The following FHIP1A variants were observed in gnomAD, a reference collection of about 807,000 sequenced individuals.
FHIP1A encodes the protein FHF complex subunit HOOK-interacting protein 1A.
A neutral mutation model predicts 88.6 loss-of-function variants in FHIP1A; 61 were observed. That is an observed-to-expected ratio of 0.69 (90% CI 0.56 to 0.85). The LOEUF is 0.85. FHIP1A is among the 40% of genes least tolerant of loss of function. The pLI is 0.00. For missense variants in FHIP1A, 1,154 were observed against 1,273.5 expected (o/e 0.91, Z 1.43); for synonymous variants, 478 against 496.0 (o/e 0.96, Z 0.48).
At chr4:151,471,646 G>C (rs1729516481) in intron 2 of FHIP1A, among the ~76,000 whole-genome samples, 1 of 151,962 alleles carries the variant, frequency 6.6e-6, no homozygotes, top group Admixed American at 6.6e-5. Context: ...CGTTATTGGG[G>C]ATCAGGTGGT....
chr4:151,418,789 A>G (rs1271064545), intron 1 of FHIP1A, among the ~76,000 whole-genome samples: 3 of 152,208 alleles, frequency 2.0e-5, no homozygotes, highest in African/African-American at 7.2e-5. Flanking sequence ...GTAACTCTGC[A>G]TCTTAATTGC....
chr4:151,565,118 G>A (rs1461780369), intron 3 of FHIP1A, among the ~76,000 whole-genome samples: 2 of 139,664 alleles, frequency 1.4e-5, no homozygotes, highest in Admixed American at 7.3e-5. Flanking sequence ...TTTTATTATG[G>A]CTTTTGTTTT....
chr4:151,435,239 A>G (rs962483399), intron 1 of FHIP1A, among the ~76,000 whole-genome samples: 1 of 151,876 alleles, frequency 6.6e-6, no homozygotes, highest in Non-Finnish European at 1.5e-5. Context: ...CTATTTTCCT[A>G]CTCATTAACC....
At chr4:151,636,530 A>G (rs1736362252) in intron 8 of FHIP1A, among the ~76,000 whole-genome samples, 1 of 152,058 alleles carries the variant, frequency 6.6e-6, no homozygotes, top group Non-Finnish European at 1.5e-5. Context: ...AATTGTTAGA[A>G]TGAATGAGTC....
intron 7 of FHIP1A, among the ~76,000 whole-genome samples, chr4:151,627,909 A>G (rs990561984): frequency 1.3e-5 from 2 of 152,194 alleles, no homozygotes; most frequent in Non-Finnish European, 2.9e-5. Context: ...GCATTGAGGT[A>G]ATAAAGAAAA....
At chr4:151,483,311 G>T (rs1437806583) in intron 3 of FHIP1A, among the ~76,000 whole-genome samples, 1 of 151,732 alleles carries the variant, frequency 6.6e-6, no homozygotes, top group Non-Finnish European at 1.5e-5. Flanking sequence ...TCTTGTGGGG[G>T]TGGGGGGGTG....
chr4:151,668,009 C>G lies in FHIP1A; in HGVS notation c.*5255C>G, dbSNP rs2126943604. ...AAGTCTATGAAAGGCCCACCTGTAA[C>G]AAGGCCCCTTTTTGCCCTGTGGATA... On this transcript the variant is annotated 3_prime_UTR_variant, in exon 14 of 14. Transcript: ENST00000435205. 6.6e-6 allele frequency among the ~76,000 whole-genome samples: 1 copy of G among 152,304 alleles called. No individual in the cohort carries two copies. The highest frequency in any genetic ancestry group is 1.9e-4 in the East Asian group (1 of 5,186).
intron 2 of FHIP1A, among the ~76,000 whole-genome samples, chr4:151,472,686 A>G (rs1219360621): frequency 6.8e-6 from 1 of 146,814 alleles, no homozygotes; most frequent in East Asian, 2.0e-4. Context: ...CAGGGATTTC[A>G]TATGAAAGTT....
At chr4:151,473,920 C>T (rs959972102) in intron 2 of FHIP1A, among the ~76,000 whole-genome samples, 5 of 152,122 alleles carry the variant, frequency 3.3e-5, no homozygotes, top group Non-Finnish European at 7.4e-5. Context: ...GGAACTTGAC[C>T]AGTCTGTCAG....
intron 7 of FHIP1A, among the ~76,000 whole-genome samples, chr4:151,612,870 A>G (rs922042650): frequency 6.6e-6 from 1 of 152,192 alleles, no homozygotes; most frequent in South Asian, 2.1e-4. Context: ...CCTTTTTATC[A>G]TGAGAGTGGC....
intron 3 of FHIP1A, among the ~76,000 whole-genome samples, chr4:151,527,332 G>A (rs565648883): frequency 6.6e-6 from 1 of 152,354 alleles, no homozygotes; most frequent in African/African-American, 2.4e-5. Flanking sequence ...GACCAGCCCG[G>A]CCAACACAGC....
intron 3 of FHIP1A, among the ~76,000 whole-genome samples, chr4:151,499,289 G>A (rs1245639046): frequency 6.6e-6 from 1 of 152,146 alleles, no homozygotes; most frequent in East Asian, 1.9e-4. Flanking sequence ...TCTGAAGTCT[G>A]TTCTGTCTAT....
chr4:151,594,188 T>C (rs1327919710), intron 7 of FHIP1A, among the ~76,000 whole-genome samples: 1 of 152,134 alleles, frequency 6.6e-6, no homozygotes, highest in Non-Finnish European at 1.5e-5. Flanking sequence ...TCAGGGACAT[T>C]GGTCTGAAAT....
chr4:151,624,195 CA>C, intron 7 of FHIP1A, among the ~76,000 whole-genome samples: 1 of 152,300 alleles, frequency 6.6e-6, no homozygotes, highest in Middle Eastern at 3.4e-3. Context: ...TGCAGAAAAA[CA>C]ATCAACCAAA....
intron 4 of FHIP1A, among the ~76,000 whole-genome samples, chr4:151,568,857 C>A (rs1733490643): frequency 6.6e-6 from 1 of 151,994 alleles, no homozygotes; most frequent in African/African-American, 2.4e-5. Flanking sequence ...GGAATAAATG[C>A]TCAATTTCAG....
intron 2 of FHIP1A, among the ~76,000 whole-genome samples, chr4:151,475,357 C>T (rs1729660115): frequency 6.6e-6 from 1 of 152,082 alleles, no homozygotes; most frequent in South Asian, 2.1e-4. Flanking sequence ...GAGATGATGA[C>T]AATTGCTACA....
intron 8 of FHIP1A, among the ~76,000 whole-genome samples, chr4:151,630,898 C>T (rs1736135340): frequency 6.6e-6 from 1 of 152,232 alleles, no homozygotes; most frequent in Admixed American, 6.5e-5. Flanking sequence ...TGACACACTT[C>T]TAATCAGTGG....
intron 4 of FHIP1A, among the ~76,000 whole-genome samples, chr4:151,567,590 G>T (rs1733436668): frequency 6.6e-6 from 1 of 152,062 alleles, no homozygotes; most frequent in African/African-American, 2.4e-5. Flanking sequence ...CTTTGGCTTT[G>T]CACTTTTATA....
intron 3 of FHIP1A, among the ~76,000 whole-genome samples, chr4:151,482,977 C>T (rs1471853632): frequency 6.6e-6 from 1 of 152,028 alleles, no homozygotes; most frequent in African/African-American, 2.4e-5. Context: ...CTGGGGTTCT[C>T]TAATTTTGAT....
Sources: gnomAD v4.1 joint callset for allele counts (sites outside exome capture counted in the v4.1 genomes callset) on GRCh38, gnomAD v4.1.1 for gene constraint, MANE v1.5 for transcripts, NCBI Gene and HGNC (gene_info 2026-07-23, HGNC 2026-07-21) for gene names.